Variants in FCRL1 observed in about 807,000 individuals in gnomAD.
FCRL1 encodes the protein Fc receptor like 1.
Under a neutral mutation model 49.2 loss-of-function variants are expected in FCRL1, and 34 were observed. That is an observed-to-expected ratio of 0.69 (90% CI 0.53 to 0.92). The LOEUF (loss-of-function observed/expected upper bound fraction) is 0.92, where lower values mean the gene tolerates loss of function less well. Among genes scored for constraint, FCRL1 ranks in the 40% least tolerant of loss-of-function variants. The pLI is 0.00. For synonymous variants in FCRL1, 218 were observed against 201.6 expected (o/e 1.08, Z -0.69); for missense variants, 524 against 524.1 (o/e 1.00, Z 0.00).
chr1:157,809,542 G>C (rs1450066990), intron 1 of FCRL1, among the ~76,000 whole-genome samples: 1 of 152,142 alleles, frequency 6.6e-6, no homozygotes, highest in Non-Finnish European at 1.5e-5. Flanking sequence ...TCCACCTCTC[G>C]GGTTCAAGCG....
intron 7 of FCRL1, among the ~76,000 whole-genome samples, chr1:157,799,438 T>C (rs962982221): frequency 2.0e-5 from 3 of 152,244 alleles, no homozygotes; most frequent in Non-Finnish European, 4.4e-5. Context: ...GTAGTTCTCC[T>C]TGAAGAGGTC....
chr1:157,803,738 C>CA, intron 3 of FCRL1, 107 bp downstream of exon 3: 1 of 1,391,478 alleles, frequency 7.2e-7, no homozygotes, highest in Non-Finnish European at 9.7e-7. Flanking sequence ...GAATATCTTT[C>CA]AAACAGCTCC....
intron 8 of FCRL1, 90 bp from the exon 9 acceptor site, chr1:157,798,029 G>C: frequency 6.6e-7 from 1 of 1,515,104 alleles, no homozygotes; most frequent in Non-Finnish European, 9.2e-7. Context: ...CAGCCATGAA[G>C]ACAGATGAGT....
chr1:157,798,392 G>A (rs145499135), intron 7 of FCRL1, 149 bp from the exon 8 acceptor site: 757 of 672,280 alleles, frequency 1.1e-3, no homozygotes, highest in Non-Finnish European at 1.6e-3. Flanking sequence ...CAGCAGTGTG[G>A]TATGAGTCAC....
At chr1:157,802,283 T>C in intron 4 of FCRL1, 90 bp from the exon 5 acceptor site, 1 of 1,576,614 alleles carries the variant, frequency 6.3e-7, no homozygotes. Context: ...CCATTGAACT[T>C]CCTCAGCATG....
rs763185136 is a variant in FCRL1 at position 157,803,945 on chromosome 1, G to A, written c.219C>T (p.Ile73=). Residue 73 remains isoleucine, a synonymous_variant, in exon 3 of 11, where the codon ATC becomes ATT. Coordinates refer to ENST00000368176, the MANE Select transcript of FCRL1 (RefSeq NM_052938.5). ...PGWSSSPKLQ[I]AAMWKEDTGS... ...CTGTGTCTTCTTTCCACATGGCAGC[G>A]ATCTGGAGCTTGGGGGAGCTGCTCC... 13 of 1,614,144 alleles carry A rather than the reference G, an allele frequency of 8.1e-6. No homozygotes were observed. In the Admixed American group the frequency reaches 8.3e-5, roughly 10 times the overall value.
At chr1:157,811,649 A>T (rs1435092424) in intron 1 of FCRL1, among the ~76,000 whole-genome samples, 1 of 152,118 alleles carries the variant, frequency 6.6e-6, no homozygotes, top group Non-Finnish European at 1.5e-5. Flanking sequence ...CCAAGCTACT[A>T]CTGCACAGCA....
intron 1 of FCRL1, among the ~76,000 whole-genome samples, chr1:157,814,693 A>G (rs1035488465): frequency 6.6e-6 from 1 of 152,028 alleles, no homozygotes; most frequent in Admixed American, 6.5e-5. Flanking sequence ...ATTTTAAAAA[A>G]CAGGACCCAA....
At chr1:157,809,558 C>G (rs1654004426) in intron 1 of FCRL1, among the ~76,000 whole-genome samples, 1 of 152,206 alleles carries the variant, frequency 6.6e-6, no homozygotes, top group Admixed American at 6.5e-5. Context: ...AAGCGATTCT[C>G]CTGCCTCAGC....
chr1:157,801,354 G>T, intron 6 of FCRL1, 107 bp downstream of exon 6: 1 of 758,658 alleles, frequency 1.3e-6, no homozygotes, highest in South Asian at 1.6e-5. Context: ...CATAGGCAAG[G>T]TGTTAACAGC....
intron 7 of FCRL1, 152 bp from the exon 8 acceptor site, chr1:157,798,395 T>A (rs9426992): frequency 1.2e-5 from 8 of 659,746 alleles, no homozygotes; most frequent in Non-Finnish European, 2.1e-5. Flanking sequence ...CAGTGTGGTA[T>A]GAGTCACGGC....
At chr1:157,801,416 A>G in intron 6 of FCRL1, 45 bp downstream of exon 6, 1 of 1,241,968 alleles carries the variant, frequency 8.1e-7, no homozygotes, top group Non-Finnish European at 1.2e-6. Context: ...TTTCAGTGAA[A>G]ACAAAGATCA....
Position 157,802,625 on chromosome 1 carries a change from G to T in FCRL1, c.359C>A (p.Pro120Gln), listed in dbSNP as rs1358255472. 2 of 1,613,986 alleles carry T rather than the reference G, an allele frequency of 1.2e-6. No homozygotes were observed. The highest frequency in any genetic ancestry group is 2.7e-5 in the African/African-American group (2 of 75,024). Residue 120 changes from proline to glutamine, a missense_variant, in exon 4 of 11, where the codon CCA becomes CAA. Transcript: ENST00000368176. ...GTCTCCCTCCATCACCTGTCCTCCT[G>T]GGGGCTGAGTCTCCAAGCTCACATC... ...VADVSLETQP[P>Q]GGQVMEGDRL...
rs1303343068 is a variant in FCRL1 at position 157,798,299 on chromosome 1, A to T, written c.1032-56T>A. ...TGAAATTGCATCCCAGATCATGCAG[A>T]TATCACACTGAAGGAGAGAAGCCTG... On this transcript the variant is annotated intron_variant, in intron 7 of 10. Transcript: ENST00000368176. 3.6e-6 allele frequency: 5 copies of T among 1,402,276 alleles called. No individual in the cohort carries two copies. The African/African-American group carries it at 7.2e-5, about 20-fold the overall frequency. The allele number at this position is 1,402,276 out of a possible 1,614,324, so 86.9% of individuals were successfully genotyped here.
At chr1:157,813,601 T>C (rs1459626806) in intron 1 of FCRL1, among the ~76,000 whole-genome samples, 1 of 152,148 alleles carries the variant, frequency 6.6e-6, no homozygotes, top group Non-Finnish European at 1.5e-5. Context: ...TGGGACACCA[T>C]TAAGTGGGCA....
rs139157759 is a variant in FCRL1 at position 157,820,030 on chromosome 1, G to A, written c.8C>T (p.Pro3Leu). 13,996 of 1,613,916 alleles carry A rather than the reference G, an allele frequency of 8.7e-3. 98 individuals carry two copies. Among genetic ancestry groups the A allele is most frequent in the Non-Finnish European group, 9.5e-3 (11,242 of 1,179,964 alleles). Residue 3 changes from proline (P) to leucine (L), a missense_variant, in exon 1 of 11, where the codon CCG becomes CTG. By Grantham distance (98) the Pro-to-Leu change is moderately conservative. Coordinates refer to ENST00000368176, the MANE Select transcript of FCRL1 (RefSeq NM_052938.5). Reference protein sequence around the residue: MLPRLLLLICAPL... With the variant: MLLRLLLLICAPL... ...ACCACAGATCAACAGCAACAGCCTC[G>A]GCAGCATGAGGACCAGGTCAGGGAT...
intron 2 of FCRL1, among the ~76,000 whole-genome samples, chr1:157,806,222 A>T (rs1653413925): frequency 6.6e-6 from 1 of 152,222 alleles, no homozygotes; most frequent in Non-Finnish European, 1.5e-5. Context: ...TTGGACAAAC[A>T]TTAGATAAGG....
In FCRL1 at chr1:157,804,078, G is replaced by C. The variant is rs756850356; in HGVS notation, c.86C>G (p.Thr29Arg). 1.2e-6 allele frequency: 2 copies of C among 1,614,190 alleles called. No individual in the cohort carries two copies. The highest frequency in any genetic ancestry group is 2.2e-5 in the South Asian group (2 of 91,078). Residue 29 changes from threonine (T) to arginine (R), a missense_variant, in exon 3 of 11, where the codon ACA becomes AGA. Thr to Arg is a moderately conservative substitution (Grantham distance 71). Transcript: ENST00000368176. ...LFLIASPSHPTEGSPVTLTCK... is the reference protein window; with the variant it reads ...LFLIASPSHPREGSPVTLTCK... ...CGTCAGGGTCACTGGGCTCCCCTCT[G>C]TGGGATGGGAGGGGCTGGCTATCAA...
Position 157,802,618 on chromosome 1 carries a change from T to C in FCRL1, c.366A>G (p.Gly122=), listed in dbSNP as rs1173465149. 5.0e-6 allele frequency: 8 copies of C among 1,614,088 alleles called. No individual in the cohort carries two copies. In the East Asian group the frequency reaches 6.7e-5, roughly 13 times the overall value. Residue 122 remains glycine, a synonymous_variant, in exon 4 of 11, where the codon GGA becomes GGG. Transcript: ENST00000368176. ...CCAGCCTGTCTCCCTCCATCACCTG[T>C]CCTCCTGGGGGCTGAGTCTCCAAGC... is the stretch of plus-strand genomic sequence containing the variant. ...DVSLETQPPG[G]QVMEGDRLVL...
Sources: gnomAD v4.1 joint callset for allele counts (sites outside exome capture counted in the v4.1 genomes callset) on GRCh38, gnomAD v4.1.1 for gene constraint, MANE v1.5 for transcripts, NCBI Gene and HGNC (gene_info 2026-07-23, HGNC 2026-07-21) for gene names.